Variants in TGM2 observed in about 807,000 individuals in gnomAD.
TGM2 encodes protein-glutamine gamma-glutamyltransferase 2.
A neutral mutation model predicts 75.6 loss-of-function variants in TGM2; 53 were observed. The ratio of observed to expected loss-of-function variants is 0.70; its 90% CI spans 0.56 to 0.88. The LOEUF is 0.88. Among genes scored for constraint, TGM2 ranks in the 40% least tolerant of loss-of-function variants. TGM2 has a pLI of 0.00. For missense variants in TGM2, 842 were observed against 928.5 expected, an observed-to-expected ratio of 0.91 and a Z score of 1.21; for synonymous variants, 374 against 381.1, an observed-to-expected ratio of 0.98 and a Z score of 0.22.
At chr20:38,131,338 C>A in intron 11 of TGM2, 109 bp from the exon 12 acceptor site, 1 of 1,482,336 alleles carries the variant, frequency 6.7e-7, no homozygotes, top group South Asian at 1.2e-5. Flanking sequence ...GTACCCAGGT[C>A]TGCCACGATC....
Position 38,155,837 on chromosome 20 carries a change from T to C in TGM2, c.433+10A>G. 6.3e-7 allele frequency: 1 copy of C among 1,594,370 alleles called. No individual in the cohort carries two copies. The highest frequency in any genetic ancestry group is 8.5e-7 in the Non-Finnish European group (1 of 1,171,318). ...ACCCCAACGCTGTGAGTGGATGGCG[T>C]GTGGCTCACCTGGGCACCAGGCGTT... is the stretch of plus-strand genomic sequence containing the variant. On this transcript the variant is annotated intron_variant, in intron 3 of 12. Coordinates refer to ENST00000361475, the MANE Select transcript of TGM2 (RefSeq NM_004613.4).
intron 10 of TGM2, among the ~76,000 whole-genome samples, chr20:38,135,425 A>G (rs1017220610): frequency 6.6e-5 from 10 of 151,738 alleles, no homozygotes; most frequent in African/African-American, 2.4e-4. Context: ...ACACACACAC[A>G]CACACACATA....
Position 38,130,151 on chromosome 20 carries a change from G to A in TGM2, c.*68C>T. On this transcript the variant is annotated 3_prime_UTR_variant, in exon 13 of 13. Coordinates refer to ENST00000361475, the MANE Select transcript of TGM2 (RefSeq NM_004613.4). ...TGGGGCCCAAGAAGGGGCATATTTT[G>A]CTCACTAGCTTGGGATAAGGATTGG... The A allele has an allele frequency of 1.0e-5, 16 of 1,599,976 alleles. No individual in the cohort carries two copies. The South Asian group carries it at 1.7e-4, about 17-fold the overall frequency.
At position 38,150,819 on chromosome 20, in the gene TGM2, G is replaced by A. The variant is rs45460794; in HGVS notation, c.552+120C>T. The A allele has an allele frequency of 7.2e-6, 6 of 830,904 alleles. No homozygotes were observed. The Admixed American group carries it at 8.5e-5, about 12-fold the overall frequency. 51.5% of individuals were successfully genotyped at this position (830,904 alleles called of 1,614,324 possible). A position where few individuals can be genotyped will look rare whatever the true frequency, so the allele number is the denominator to read the frequency against. ...TTTCAGGGCCTTTGCATCCCTGACA[G>A]CATGAAGTGGGTGACTCTGTGACTC... On this transcript the variant is annotated intron_variant, in intron 4 of 12. Coordinates refer to ENST00000361475, the MANE Select transcript of TGM2 (RefSeq NM_004613.4).
In TGM2 at chr20:38,129,651, C is replaced by A; in HGVS notation, c.*568G>T. 6.4e-6 allele frequency: 1 copy of A among 155,420 alleles called. No homozygotes were observed. Among genetic ancestry groups the A allele is most frequent in the Non-Finnish European group, 1.4e-5 (1 of 69,874 alleles). The allele number at this position is 155,420 out of a possible 1,614,324, so 9.6% of individuals were successfully genotyped here. A position where few individuals can be genotyped will look rare whatever the true frequency, so the allele number is the denominator to read the frequency against. ...GGCACCCAGCACATAGTAGGTGCTTCACAATGGTGAGGTTGAGGGGGAGGG... is the reference window on the plus strand; with the variant it reads ...GGCACCCAGCACATAGTAGGTGCTTAACAATGGTGAGGTTGAGGGGGAGGG... On this transcript the variant is annotated 3_prime_UTR_variant, in exon 13 of 13. Transcript: ENST00000361475.
At chr20:38,142,983 G>A (rs747389819) in intron 6 of TGM2, among the ~76,000 whole-genome samples, 5 of 152,242 alleles carry the variant, frequency 3.3e-5, no homozygotes, top group South Asian at 2.1e-4. Flanking sequence ...TTCATAGCAC[G>A]GCTGGAGATC....
At chr20:38,154,209 T>C (rs2075153890) in intron 3 of TGM2, among the ~76,000 whole-genome samples, 1 of 152,102 alleles carries the variant, frequency 6.6e-6, no homozygotes, top group South Asian at 2.1e-4. Context: ...TATGGAAAGG[T>C]GAAAAATTTT....
chr20:38,147,325 C>T (rs139408623), intron 5 of TGM2, among the ~76,000 whole-genome samples: 82 of 152,254 alleles, frequency 5.4e-4, no homozygotes, highest in African/African-American at 1.4e-3. Context: ...GGTCTCACCC[C>T]TGCCCACCTC....
At position 38,155,861 on chromosome 20, in the gene TGM2, T is replaced by C; in HGVS notation, c.419A>G (p.Asn140Ser). The C allele has an allele frequency of 1.2e-6, 2 of 1,600,090 alleles. No homozygotes were observed. Among genetic ancestry groups the C allele is most frequent in the Non-Finnish European group, 1.7e-6 (2 of 1,174,126 alleles). Residue 140 changes from asparagine to serine, a missense_variant, in exon 3 of 13, where the codon AAC becomes AGC. By Grantham distance (46) the Asn-to-Ser change is conservative. Coordinates refer to ENST00000361475, the MANE Select transcript of TGM2 (RefSeq NM_004613.4). ...FVLGHFILLF[N>S]AWCPADAVYL... is the part of the protein sequence containing the mutation. ...GTGTGGCTCACCTGGGCACCAGGCGTTGAAGAGCAAAATGAAGTGGCCCAG... is the reference window on the plus strand; with the variant it reads ...GTGTGGCTCACCTGGGCACCAGGCGCTGAAGAGCAAAATGAAGTGGCCCAG...
intron 10 of TGM2, chr20:38,132,772 C>A (rs781510699): frequency 1.1e-5 from 6 of 547,268 alleles, no homozygotes; most frequent in Middle Eastern, 5.6e-4. Context: ...GGTGACCCCG[C>A]GTGAGCCACT....
intron 5 of TGM2, 136 bp from the exon 6 acceptor site, chr20:38,147,030 G>A (rs2075054846): frequency 1.1e-6 from 1 of 908,806 alleles, no homozygotes; most frequent in East Asian, 2.7e-5. Context: ...GGTGCAAAGG[G>A]GCCATCGTGT....
intron 1 of TGM2, among the ~76,000 whole-genome samples, chr20:38,164,823 A>C (rs1444851750): frequency 6.6e-6 from 1 of 152,160 alleles, no homozygotes; most frequent in Non-Finnish European, 1.5e-5. Flanking sequence ...GCTGGCAAGA[A>C]CCACCCAAAC....
At chr20:38,160,136 A>C (rs531775711) in intron 2 of TGM2, among the ~76,000 whole-genome samples, 19 of 152,346 alleles carry the variant, frequency 1.2e-4, no homozygotes, top group African/African-American at 4.3e-4. Flanking sequence ...GCTAGGCTGC[A>C]GTCCCCATGA....
At position 38,165,233 on chromosome 20, in the gene TGM2, G is replaced by T; in HGVS notation, c.-35C>A. 2.5e-6 allele frequency: 4 copies of T among 1,612,414 alleles called. No homozygotes were observed. The highest frequency in any genetic ancestry group is 3.4e-6 in the Non-Finnish European group (4 of 1,179,852). On this transcript the variant is annotated 5_prime_UTR_variant, in exon 1 of 13. Coordinates refer to ENST00000361475, the MANE Select transcript of TGM2 (RefSeq NM_004613.4). ...GGGGCGGTGGCTCCTTCCACTGGCG[G>T]CGAGACCCTCCAAGTGCGACCACTG...
chr20:38,157,284 C>A (rs558016693), intron 2 of TGM2, among the ~76,000 whole-genome samples: 7 of 143,434 alleles, frequency 4.9e-5, no homozygotes, highest in African/African-American at 1.5e-4. Context: ...CATGAACTAA[C>A]AGGCATGACA....
At chr20:38,146,224 T>G (rs1473377557) in intron 6 of TGM2, 1 of 160,774 alleles carries the variant, frequency 6.2e-6, no homozygotes, top group Non-Finnish European at 1.4e-5. Flanking sequence ...ACACTGATAT[T>G]ACTGTTAGGA....
At position 38,143,726 on chromosome 20, in the gene TGM2, T is replaced by A. The variant is rs45506701; in HGVS notation, c.860-1527A>T. On this transcript the variant is annotated intron_variant, in intron 6 of 12. Coordinates refer to ENST00000361475, the MANE Select transcript of TGM2 (RefSeq NM_004613.4). ...AAAGTAACAGATTCCCAGAAAAAAATATCTAAAAAATGAAGAGAAACAAGA... is the reference window on the plus strand; with the variant it reads ...AAAGTAACAGATTCCCAGAAAAAAAAATCTAAAAAATGAAGAGAAACAAGA... Among the ~76,000 whole-genome samples the A allele has an allele frequency of 7.9e-3, 1,193 of 151,440 alleles. 13 individuals carry two copies. Among genetic ancestry groups the A allele is most frequent in the African/African-American group, 0.027 (1,116 of 40,728 alleles).
At chr20:38,153,952 G>C (rs1006923558) in intron 3 of TGM2, among the ~76,000 whole-genome samples, 8 of 152,166 alleles carry the variant, frequency 5.3e-5, no homozygotes, top group African/African-American at 4.8e-5. Context: ...GAGTAGTTGG[G>C]ACTACAGATG....
upstream of TGM2, among the ~76,000 whole-genome samples, chr20:38,167,814 A>C (rs1427572373): frequency 6.6e-6 from 1 of 152,214 alleles, no homozygotes; most frequent in Non-Finnish European, 1.5e-5. Flanking sequence ...TTCATTACAC[A>C]GAGTGGGTAT....
Sources: allele counts gnomAD v4.1 joint callset (sites outside exome capture counted in the v4.1 genomes callset), GRCh38; gene constraint gnomAD v4.1.1; transcripts MANE v1.5; gene names NCBI Gene and HGNC (gene_info 2026-07-23, HGNC 2026-07-21).